Variants in ARFGEF1 observed in about 807,000 individuals in gnomAD.
ARFGEF1 encodes ARF guanine nucleotide exchange factor 1.
ARFGEF1 carries 42 observed loss-of-function variants against 231.0 expected under a neutral mutation model. That is an observed-to-expected ratio of 0.18 (90% confidence interval 0.14 to 0.24). The LOEUF (loss-of-function observed/expected upper bound fraction) is 0.24, where lower values mean the gene tolerates loss of function less well. Among genes scored for constraint, ARFGEF1 ranks in the 10% least tolerant of loss-of-function variants. The pLI is 1.00. For synonymous variants in ARFGEF1, 710 were observed against 732.3 expected (o/e 0.97, Z 0.49); for missense variants, 1,345 against 2,192.0 (o/e 0.61, Z 7.72).
intron 14 of ARFGEF1, among the ~76,000 whole-genome samples, chr8:67,265,254 G>A (rs1033181995): frequency 1.3e-5 from 2 of 152,108 alleles, no homozygotes; most frequent in African/African-American, 4.8e-5. Context: ...AAAGACACCT[G>A]AACATTCACT....
chr8:67,223,714 G>A (rs1294433412), intron 29 of ARFGEF1, among the ~76,000 whole-genome samples: 1 of 152,124 alleles, frequency 6.6e-6, no homozygotes, highest in Non-Finnish European at 1.5e-5. Flanking sequence ...GAAAGCAGGT[G>A]GATCCTCCAT....
intron 19 of ARFGEF1, among the ~76,000 whole-genome samples, chr8:67,242,985 C>T (rs1436959094): frequency 6.6e-6 from 1 of 152,326 alleles, no homozygotes; most frequent in African/African-American, 2.4e-5. Flanking sequence ...GTTTGAGTGC[C>T]AGCTCAGCTG....
chr8:67,206,410 TAAAAAAAAAAAAA>T (rs747164390), intron 34 of ARFGEF1, among the ~76,000 whole-genome samples: 5 of 102,048 alleles, frequency 4.9e-5, no homozygotes, highest in African/African-American at 1.6e-4. Context: ...ATTTTATCTT[TAAAAAAAAAAAAA>T]AAAAAAAAAA....
intron 5 of ARFGEF1, among the ~76,000 whole-genome samples, chr8:67,184,118 G>C (rs1833768109): frequency 6.6e-6 from 1 of 152,126 alleles, no homozygotes; most frequent in Admixed American, 6.5e-5. Flanking sequence ...CTCCCAAAGT[G>C]CTGGGATTAT....
At position 67,292,013 on chromosome 8, in the gene ARFGEF1, T is replaced by C. The variant is rs140816308; in HGVS notation, c.750A>G (p.Pro250=). 1.8e-5 allele frequency: 29 copies of C among 1,613,964 alleles called. No homozygotes were observed. In the African/African-American group the frequency reaches 3.2e-4, roughly 18 times the overall value. ...GGGATATATGATCAACAGTCTGAGG[T>C]GGCAAATATCTAAGTTGAGGTGATT... ...EPESPQLRYL[P]PQTVDHISQE... is the part of the protein sequence containing the mutation. The change falls in exon 6 of 39, where the codon CCA becomes CCG. Residue 250 remains proline (P), a synonymous_variant. Transcript: ENST00000262215.
At chr8:67,292,194 C>T in intron 5 of ARFGEF1, 71 bp from the exon 6 acceptor site, 2 of 1,336,784 alleles carry the variant, frequency 1.5e-6, no homozygotes, top group Non-Finnish European at 2.1e-6. Flanking sequence ...ATGTTACCTC[C>T]AACAATCCTT....
At position 67,302,474 on chromosome 8, in the gene ARFGEF1, G is replaced by GAA; in HGVS notation, c.125-10_125-9dup. 2.6e-6 allele frequency: 4 copies of GAA among 1,529,238 alleles called. No homozygotes were observed. The highest frequency in any genetic ancestry group is 1.3e-5 in the South Asian group (1 of 77,702). The allele number at this position is 1,529,238 out of a possible 1,614,324, so 94.7% of individuals were successfully genotyped here. A position where few individuals can be genotyped will look rare whatever the true frequency, so the allele number is the denominator to read the frequency against. Reference sequence around the variant, plus strand: ...TTTCCGCTTTTATTTCCTCTGAGGGGAAAAAAAAAGAAGCATACATTAGAA... The same window carrying GAA: ...TTTCCGCTTTTATTTCCTCTGAGGGGAAAAAAAAAAAGAAGCATACATTAGAA... On this transcript the variant is annotated splice_polypyrimidine_tract_variant and intron_variant, in intron 1 of 38. Transcript: ENST00000262215.
In ARFGEF1 at chr8:67,271,919, G is replaced by C. The variant is rs1354802061; in HGVS notation, c.1355C>G (p.Ser452Cys). The change falls in exon 10 of 39, where the codon TCC becomes TGC. Residue 452 changes from serine to cysteine, a missense_variant. By Grantham distance (112) the Ser-to-Cys change is moderately radical. Transcript: ENST00000262215. ...AAGTAACTGCAATGAAAGAATCTTG[G>C]ATCGTAGTTCATGAGACCTAAAATG... ...PPDPKSHELR[S>C]KILSLQLLLS... The C allele has an allele frequency of 6.2e-7, 1 of 1,609,748 alleles. No homozygotes were observed. The highest frequency in any genetic ancestry group is 8.5e-7 in the Non-Finnish European group (1 of 1,178,502).
In ARFGEF1 at chr8:67,227,327, A is replaced by C; in HGVS notation, c.3744-18T>G. On this transcript the variant is annotated intron_variant, in intron 26 of 38. Coordinates refer to ENST00000262215, the MANE Select transcript of ARFGEF1 (RefSeq NM_006421.5). ...TTGGAGACCTAAAAATATTAATATA[A>C]TTGCTTGGATATGCAAACCGATAAA... 1 of 1,606,136 alleles carries C rather than the reference A, an allele frequency of 6.2e-7. No homozygotes were observed. The highest frequency in any genetic ancestry group is 8.5e-7 in the Non-Finnish European group (1 of 1,174,506).
In ARFGEF1 at chr8:67,277,609, C is replaced by G. The variant is rs953811224; in HGVS notation, c.1028-152G>C. 6 of 669,238 alleles carry G rather than the reference C, an allele frequency of 9.0e-6. No homozygotes were observed. The African/African-American group carries it at 1.1e-4, about 12-fold the overall frequency. The allele number at this position is 669,238 out of a possible 1,614,324, so 41.5% of individuals were successfully genotyped here. A position where few individuals can be genotyped will look rare whatever the true frequency, so the allele number is the denominator to read the frequency against. ...CATTTAAAGGTTAGCATACTTACTA[C>G]TAAATAAGTATGCATCTGGCATACT... is the stretch of plus-strand genomic sequence containing the variant. On this transcript the variant is annotated intron_variant, in intron 7 of 38. Coordinates refer to ENST00000262215, the MANE Select transcript of ARFGEF1 (RefSeq NM_006421.5).
chr8:67,218,832 T>TATA (rs1387180869), intron 30 of ARFGEF1, among the ~76,000 whole-genome samples: 1 of 152,188 alleles, frequency 6.6e-6, no homozygotes, highest in African/African-American at 2.4e-5. Context: ...GAAGTCACTA[T>TATA]ATAATACTAA....
chr8:67,251,506 T>G, intron 18 of ARFGEF1, 56 bp from the exon 19 acceptor site: 2 of 1,450,690 alleles, frequency 1.4e-6, no homozygotes, highest in Non-Finnish European at 1.8e-6. Flanking sequence ...GAATTCTATT[T>G]TGATATTTTA....
intron 1 of ARFGEF1, among the ~76,000 whole-genome samples, chr8:67,335,047 T>A (rs1304990275): frequency 6.6e-6 from 1 of 152,078 alleles, no homozygotes; most frequent in Admixed American, 6.6e-5. Context: ...CAGAAAGTTG[T>A]TTTTCAAAAA....
chr8:67,281,178 A>C (rs1805519190), intron 7 of ARFGEF1, among the ~76,000 whole-genome samples: 1 of 152,150 alleles, frequency 6.6e-6, no homozygotes, highest in Admixed American at 6.5e-5. Flanking sequence ...GTAAAACCCT[A>C]AGACAAAATG....
chr8:67,296,569 A>G lies in ARFGEF1; in HGVS notation c.501T>C (p.His167=). 1.2e-6 allele frequency: 2 copies of G among 1,613,604 alleles called. No homozygotes were observed. Among genetic ancestry groups the G allele is most frequent in the Admixed American group, 1.7e-5 (1 of 59,980 alleles). ...TAVTSQHIEI[H]EGTVLQAVRT... is the part of the protein sequence containing the mutation. Reference sequence around the variant, plus strand: ...TCACAGCTTGCAGTACAGTCCCTTCATGAATTTCTATGTGTTGTGATGTTA... The same window carrying G: ...TCACAGCTTGCAGTACAGTCCCTTCGTGAATTTCTATGTGTTGTGATGTTA... Residue 167 remains histidine (H), a synonymous_variant, in exon 5 of 39, where the codon CAT becomes CAC. Transcript: ENST00000262215.
chr8:67,195,796 A>ATTATT (rs553068500), downstream of ARFGEF1: 365 of 534,970 alleles, frequency 6.8e-4, 4 homozygotes, highest in African/African-American at 6.5e-3. Context: ...AATTGTATAG[A>ATTATT]TTATTTTTGC....
chr8:67,228,242 G>A lies in ARFGEF1; in HGVS notation c.3403C>T (p.Leu1135=), dbSNP rs1355514761. ...VDRIFTGSTR[L]DGNAIVDFVR... Reference sequence around the variant, plus strand: ...TACTTACCAATGGCATTTCCATCTAGCCTTGTAGATCCTGTGAATATTCTA... The same window carrying A: ...TACTTACCAATGGCATTTCCATCTAACCTTGTAGATCCTGTGAATATTCTA... The change falls in exon 24 of 39, where the codon CTA becomes TTA. Residue 1135 remains leucine, a synonymous_variant. Transcript: ENST00000262215. The A allele has an allele frequency of 1.9e-6, 3 of 1,610,834 alleles. No homozygotes were observed. Among genetic ancestry groups the A allele is most frequent in the Middle Eastern group, 1.7e-4 (1 of 6,044 alleles).
chr8:67,302,542 A>C (rs1806540131), intron 1 of ARFGEF1, 76 bp from the exon 2 acceptor site: 3 of 1,053,466 alleles, frequency 2.8e-6, no homozygotes, highest in South Asian at 2.0e-5. Flanking sequence ...AAGTTCTATA[A>C]ACTCATTTGG....
At chr8:67,245,841 G>A (rs1840088899) in intron 19 of ARFGEF1, among the ~76,000 whole-genome samples, 1 of 150,416 alleles carries the variant, frequency 6.6e-6, no homozygotes, top group African/African-American at 2.5e-5. Flanking sequence ...ATGATCTGTT[G>A]TGTACATGAG....
Sources: gnomAD v4.1 joint callset for allele counts (sites outside exome capture counted in the v4.1 genomes callset) on GRCh38, gnomAD v4.1.1 for gene constraint, MANE v1.5 for transcripts, NCBI Gene and HGNC (gene_info 2026-07-23, HGNC 2026-07-21) for gene names.